The following NUS1 variants were observed in gnomAD, a reference collection of about 807,000 sequenced individuals.
NUS1 encodes dehydrodolichyl diphosphate synthase complex subunit NUS1.
For synonymous variants in NUS1, 135 were observed against 155.2 expected, an observed-to-expected ratio of 0.87 and a Z score of 0.97; for missense variants, 292 against 382.9, an observed-to-expected ratio of 0.76 and a Z score of 1.98.
intron 1 of NUS1, among the ~76,000 whole-genome samples, chr6:117,678,515 A>G (rs1192202324): frequency 6.6e-6 from 1 of 152,174 alleles, no homozygotes. Context: ...GAAGATAGGA[A>G]TGTTGAAAGT....
Position 117,706,904 on chromosome 6 carries a change from C to A in NUS1, c.792-21C>A, listed in dbSNP as rs747350247. ...ACAGTGTATATCTAATTGCTTTTCT[C>A]CCCCCGTGTTTTCTTTTCAGCTCTT... On this transcript the variant is annotated intron_variant, in intron 4 of 4. Transcript: ENST00000368494. 4 of 1,596,054 alleles carry A rather than the reference C, an allele frequency of 2.5e-6. No individual in the cohort carries two copies. The South Asian group carries it at 4.4e-5, about 18-fold the overall frequency.
In NUS1 at chr6:117,675,484, G is replaced by T. The variant is rs937599654; in HGVS notation, c.-187G>T. ...AACTGTCCATGTACTACTGGGGGCG[G>T]GGCTGCCAAGGGAGGAGGAAGATGG... On this transcript the variant is annotated 5_prime_UTR_variant, in exon 1 of 5. Coordinates refer to ENST00000368494, the MANE Select transcript of NUS1 (RefSeq NM_138459.5). 1.6e-5 allele frequency: 10 copies of T among 612,058 alleles called. No homozygotes were observed. Among genetic ancestry groups the T allele is most frequent in the Admixed American group, 1.2e-4 (4 of 34,518 alleles). 37.9% of individuals were successfully genotyped at this position (612,058 alleles called of 1,614,324 possible).
rs1287459174 is a variant in NUS1, at chr6:117,709,056, GCAAACTA to G, written c.*2050_*2056del. On this transcript the variant is annotated 3_prime_UTR_variant, in exon 5 of 5. Coordinates refer to ENST00000368494, the MANE Select transcript of NUS1 (RefSeq NM_138459.5). ...GAGTCTCTTGAAGTTCTAGGAAGAG[GCAAACTA>G]CAAACTACTAGGATTCTGATTTCAG... 2.6e-5 allele frequency: 4 copies of G among 151,986 alleles called. No individual in the cohort carries two copies. The highest frequency in any genetic ancestry group is 9.7e-5 in the African/African-American group (4 of 41,388). 9.4% of individuals were successfully genotyped at this position (151,986 alleles called of 1,614,324 possible).
intron 3 of NUS1, among the ~76,000 whole-genome samples, chr6:117,699,398 T>C (rs906507742): frequency 2.0e-5 from 3 of 152,006 alleles, no homozygotes; most frequent in African/African-American, 7.2e-5. Context: ...TTATAATAGA[T>C]ACAAATAAAA....
At chr6:117,686,447 T>A (rs1773142220) in intron 1 of NUS1, among the ~76,000 whole-genome samples, 1 of 152,202 alleles carries the variant, frequency 6.6e-6, no homozygotes, top group Admixed American at 6.5e-5. Flanking sequence ...GAGGGATACC[T>A]GGATTTCAGG....
intron 3 of NUS1, among the ~76,000 whole-genome samples, chr6:117,697,070 C>T (rs535561325): frequency 2.0e-5 from 3 of 152,024 alleles, no homozygotes; most frequent in East Asian, 1.9e-4. Context: ...TTTGTTTATG[C>T]AAGCAGTGTG....
At chr6:117,701,399 C>T (rs565147559) in intron 3 of NUS1, among the ~76,000 whole-genome samples, 88 of 152,084 alleles carry the variant, frequency 5.8e-4, no homozygotes, top group African/African-American at 2.0e-3. Context: ...CGCCCGCCAC[C>T]GCGCCTGGCT....
Position 117,703,611 on chromosome 6 carries a change from A to G in NUS1, c.698A>G (p.Asn233Ser), listed in dbSNP as rs1198292880. 6.2e-7 allele frequency: 1 copy of G among 1,611,508 alleles called. No individual in the cohort carries two copies. The highest frequency in any genetic ancestry group is 8.5e-7 in the Non-Finnish European group (1 of 1,177,790). The change falls in exon 4 of 5, where the codon AAT (asparagine) becomes AGT (serine). Residue 233 changes from asparagine to serine, a missense_variant. Physicochemically the swap from Asn to Ser is conservative, Grantham distance 46 (BLOSUM62 1). Coordinates refer to ENST00000368494, the MANE Select transcript of NUS1 (RefSeq NM_138459.5). The part of the protein sequence containing the change: ...VDTLASLLSS[N>S]GCPDPDLVLK... ...GTATTTATTTATTTCCAAGGTTCAA[A>G]TGGTTGTCCTGATCCTGATTTAGTA...
At position 117,709,083 on chromosome 6, in the gene NUS1, T is replaced by C. The variant is rs556932572; in HGVS notation, c.*2068T>C. ...AAACTACAAACTACTAGGATTCTGA[T>C]TTCAGATGTAGTCATTCCAGAACCT... On this transcript the variant is annotated 3_prime_UTR_variant, in exon 5 of 5. Transcript: ENST00000368494. 4 of 152,270 alleles carry C rather than the reference T, an allele frequency of 2.6e-5. No individual in the cohort carries two copies. The East Asian group carries it at 7.7e-4, about 29-fold the overall frequency. 9.4% of individuals were successfully genotyped at this position (152,270 alleles called of 1,614,324 possible).
intron 1 of NUS1, among the ~76,000 whole-genome samples, chr6:117,680,607 G>A (rs908510883): frequency 4.6e-5 from 7 of 152,196 alleles, no homozygotes; most frequent in Admixed American, 6.5e-5. Context: ...GGACCTGGGC[G>A]TCTCTGTTTT....
rs975529145 is a variant in NUS1 at position 117,710,162 on chromosome 6, A to G, written c.*3147A>G. The stretch of plus-strand genomic sequence containing the variant: ...TTGATAGTTCTTGTCAAATGAGAAA[A>G]TTTAAAGGTAAGAGTTATGGTTTGT... On this transcript the variant is annotated 3_prime_UTR_variant, in exon 5 of 5. Transcript: ENST00000368494. 3.3e-5 allele frequency: 5 copies of G among 152,176 alleles called. No homozygotes were observed. The highest frequency in any genetic ancestry group is 1.2e-4 in the African/African-American group (5 of 41,464). 9.4% of individuals were successfully genotyped at this position (152,176 alleles called of 1,614,324 possible).
rs548008624 is a variant in NUS1, at chr6:117,709,819, A to G, written c.*2804A>G. 10 of 152,718 alleles carry G rather than the reference A, an allele frequency of 6.5e-5. No individual in the cohort carries two copies. The highest frequency in any genetic ancestry group is 3.9e-4 in the Admixed American group (6 of 15,288). 9.5% of individuals were successfully genotyped at this position (152,718 alleles called of 1,614,324 possible). On this transcript the variant is annotated 3_prime_UTR_variant, in exon 5 of 5. Transcript: ENST00000368494. ...ATAAAAGAATATACTCTTTTCATTG[A>G]CTATAGTATTATGTGAATGCTACAT...
At chr6:117,677,094 G>A (rs774601944) in intron 1 of NUS1, among the ~76,000 whole-genome samples, 1 of 152,100 alleles carries the variant, frequency 6.6e-6, no homozygotes, top group South Asian at 2.1e-4. Flanking sequence ...TTCACCATAG[G>A]GAGTTTTTGT....
At chr6:117,689,401 T>C (rs1425270867) in intron 1 of NUS1, among the ~76,000 whole-genome samples, 1 of 152,286 alleles carries the variant, frequency 6.6e-6, no homozygotes, top group Non-Finnish European at 1.5e-5. Flanking sequence ...GTGATGTGAA[T>C]AGACAAAGCA....
chr6:117,676,712 C>G (rs777290686), intron 1 of NUS1, among the ~76,000 whole-genome samples: 1 of 152,208 alleles, frequency 6.6e-6, no homozygotes, highest in Non-Finnish European at 1.5e-5. Context: ...GCCACAAGAT[C>G]GTAATGGGGC....
intron 1 of NUS1, among the ~76,000 whole-genome samples, chr6:117,685,288 C>G (rs531190086): frequency 6.6e-6 from 1 of 151,920 alleles, no homozygotes; most frequent in Admixed American, 6.6e-5. Flanking sequence ...ATTGTAGATT[C>G]AAAGGATATG....
chr6:117,708,636 G>C lies in NUS1; in HGVS notation c.*1621G>C, dbSNP rs1247342643. ...TGCACTGCATAATCCATTATACGTTGTACGACTTTTTTTTTTTGTTTTAAT... is the reference window on the plus strand; with the variant it reads ...TGCACTGCATAATCCATTATACGTTCTACGACTTTTTTTTTTTGTTTTAAT... On this transcript the variant is annotated 3_prime_UTR_variant, in exon 5 of 5. Transcript: ENST00000368494. 1 of 146,954 alleles carries C rather than the reference G, an allele frequency of 6.8e-6. No homozygotes were observed. Among genetic ancestry groups the C allele is most frequent in the South Asian group, 2.4e-4 (1 of 4,146 alleles). The allele number at this position is 146,954 out of a possible 1,614,324, so 9.1% of individuals were successfully genotyped here.
rs1036875976 is a variant in NUS1, at chr6:117,681,925, G to A, written c.415+5840G>A. On this transcript the variant is annotated intron_variant, in intron 1 of 4. Coordinates refer to ENST00000368494, the MANE Select transcript of NUS1 (RefSeq NM_138459.5). ...TCGGCTCACTGCGACCTCTGCCTCC[G>A]GGGTTCAAGCTATTCTCCTGCCTCA... is the stretch of plus-strand genomic sequence containing the variant. 5.3e-5 allele frequency among the ~76,000 whole-genome samples: 8 copies of A among 152,160 alleles called. No individual in the cohort carries two copies. In the East Asian group the frequency reaches 1.4e-3, roughly 26 times the overall value.
chr6:117,701,799 C>G (rs2498585), intron 3 of NUS1, among the ~76,000 whole-genome samples: 146,957 of 152,154 alleles, frequency 0.97, 71,155 homozygotes, highest in East Asian at 1. Context: ...TCTAAATACA[C>G]GATCATGTTG....
Sources: gnomAD v4.1 joint callset for allele counts (sites outside exome capture counted in the v4.1 genomes callset) on GRCh38, gnomAD v4.1.1 for gene constraint, MANE v1.5 for transcripts, NCBI Gene and HGNC (gene_info 2026-07-23, HGNC 2026-07-21) for gene names.